GRIA1: variants seen among roughly 807,000 people sequenced by gnomAD.
GRIA1 encodes glutamate receptor 1.
Under a neutral mutation model 99.2 loss-of-function variants are expected in GRIA1, and 31 were observed. The ratio of observed to expected loss-of-function variants is 0.31; its 90% CI spans 0.23 to 0.42. GRIA1 has a LOEUF of 0.42. Ranked by LOEUF, GRIA1 falls within the 10% of genes least tolerant of loss-of-function variation. GRIA1 has a pLI of 1.00. For synonymous variants in GRIA1, 438 were observed against 432.4 expected (o/e 1.01, Z -0.16); for missense variants, 782 against 1,157.5 (o/e 0.68, Z 4.71).
At chr5:153,807,368 T>C (rs781598939) in intron 15 of GRIA1, among the ~76,000 whole-genome samples, 3 of 152,154 alleles carry the variant, frequency 2.0e-5, no homozygotes, top group Non-Finnish European at 4.4e-5. Flanking sequence ...CACTTGCATG[T>C]TCAATGAGTG....
At chr5:153,565,275 A>G (rs1761515086) in intron 2 of GRIA1, among the ~76,000 whole-genome samples, 1 of 152,198 alleles carries the variant, frequency 6.6e-6, no homozygotes, top group Non-Finnish European at 1.5e-5. Flanking sequence ...TATCTGTGAG[A>G]CTTACCTTTG....
chr5:153,712,796 G>C (rs1759410822), intron 11 of GRIA1, among the ~76,000 whole-genome samples: 1 of 152,174 alleles, frequency 6.6e-6, no homozygotes, highest in Non-Finnish European at 1.5e-5. Context: ...CTGGGTCTTG[G>C]GACTAGGCAT....
At chr5:153,664,387 T>C (rs377269548) in intron 5 of GRIA1, among the ~76,000 whole-genome samples, 102 of 152,280 alleles carry the variant, frequency 6.7e-4, no homozygotes, top group African/African-American at 2.4e-3. Context: ...GATTTGAATC[T>C]AGGCTGACAT....
chr5:153,644,128 A>T (rs1228721081), intron 2 of GRIA1, among the ~76,000 whole-genome samples: 1 of 152,232 alleles, frequency 6.6e-6, no homozygotes, highest in Non-Finnish European at 1.5e-5. Flanking sequence ...CCCCATATAC[A>T]CTTCACCCTG....
At chr5:153,531,826 C>T (rs1052889293) in intron 2 of GRIA1, among the ~76,000 whole-genome samples, 7 of 152,144 alleles carry the variant, frequency 4.6e-5, no homozygotes, top group African/African-American at 1.7e-4. Flanking sequence ...ATTTAAGCTT[C>T]CTAAAACAAC....
Position 153,730,389 on chromosome 5 carries a change from G to A in GRIA1, c.1823+24322G>A, listed in dbSNP as rs1307639638. On this transcript the variant is annotated intron_variant, in intron 11 of 15. Transcript: ENST00000285900. ...ATGTTGAGCTAGTGAATAAGTAAAT[G>A]AATAAATATCCTAATAAATAGTATT... Among the ~76,000 whole-genome samples, 3 of 152,028 alleles carry A rather than the reference G, an allele frequency of 2.0e-5. No homozygotes were observed. The East Asian group carries it at 5.8e-4, about 29-fold the overall frequency.
At chr5:153,566,803 G>A (rs1354254767) in intron 2 of GRIA1, among the ~76,000 whole-genome samples, 54 of 133,992 alleles carry the variant, frequency 4.0e-4, no homozygotes, top group Non-Finnish European at 1.2e-4. Flanking sequence ...TGCAACCTCC[G>A]CCTCCTGGGT....
chr5:153,702,708 A>G (rs1758613892), intron 10 of GRIA1, among the ~76,000 whole-genome samples: 1 of 151,828 alleles, frequency 6.6e-6, no homozygotes, highest in Non-Finnish European at 1.5e-5. Context: ...GAATCTAGAA[A>G]CTCTGGCGTG....
chr5:153,689,905 C>T (rs1165673157), intron 8 of GRIA1, among the ~76,000 whole-genome samples: 1 of 152,204 alleles, frequency 6.6e-6, no homozygotes, highest in African/African-American at 2.4e-5. Context: ...CCAGAGGCCC[C>T]AGCCCTTTGA....
chr5:153,503,374 G>A (rs1330794212), intron 2 of GRIA1, among the ~76,000 whole-genome samples: 3 of 152,196 alleles, frequency 2.0e-5, no homozygotes, highest in African/African-American at 7.2e-5. Flanking sequence ...AATATGGGGT[G>A]CTAATACCTG....
intron 2 of GRIA1, among the ~76,000 whole-genome samples, chr5:153,628,808 T>C (rs2149432778): frequency 6.6e-6 from 1 of 152,338 alleles, no homozygotes; most frequent in East Asian, 1.9e-4. Flanking sequence ...TGTTCTAAAG[T>C]CCTACCTTGG....
intron 5 of GRIA1, among the ~76,000 whole-genome samples, chr5:153,659,035 T>C (rs1200975526): frequency 6.6e-6 from 1 of 152,140 alleles, no homozygotes; most frequent in Non-Finnish European, 1.5e-5. Context: ...ATGCCCCTTT[T>C]AGCTGGCTCT....
intron 11 of GRIA1, among the ~76,000 whole-genome samples, chr5:153,747,736 G>A (rs912315239): frequency 7.2e-5 from 11 of 152,152 alleles, no homozygotes; most frequent in South Asian, 2.1e-4. Flanking sequence ...GCCCAGTTAC[G>A]TGACATCTCT....
intron 2 of GRIA1, among the ~76,000 whole-genome samples, chr5:153,529,819 A>T (rs774808883): frequency 2.6e-5 from 4 of 152,150 alleles, no homozygotes; most frequent in Non-Finnish European, 5.9e-5. Flanking sequence ...TGATGTTTGT[A>T]TGAAAAGAGC....
At chr5:153,665,998 C>T (rs1203777085) in intron 5 of GRIA1, among the ~76,000 whole-genome samples, 1 of 152,172 alleles carries the variant, frequency 6.6e-6, no homozygotes, top group African/African-American at 2.4e-5. Flanking sequence ...ACAAACAACT[C>T]ATGAGATTCA....
chr5:153,587,042 T>A (rs926491978), intron 2 of GRIA1, among the ~76,000 whole-genome samples: 83 of 152,270 alleles, frequency 5.5e-4, no homozygotes, highest in Non-Finnish European at 4.3e-4. Context: ...GCATCAAAAT[T>A]TCAGGTGGCT....
At chr5:153,665,555 T>A (rs1239025241) in intron 5 of GRIA1, among the ~76,000 whole-genome samples, 3 of 152,216 alleles carry the variant, frequency 2.0e-5, no homozygotes, top group Non-Finnish European at 4.4e-5. Context: ...AAGACTTTTA[T>A]GCAGAGACAT....
Position 153,599,895 on chromosome 5 carries a change from G to T in GRIA1, c.221-47033G>T. On this transcript the variant is annotated intron_variant, in intron 2 of 15. Coordinates refer to ENST00000285900, the MANE Select transcript of GRIA1 (RefSeq NM_000827.4). The stretch of plus-strand genomic sequence containing the variant: ...GAGGGGAAAAGAAAAATGTGCCTGA[G>T]AAATAGCATAAGTAAAAGTCCTGAG... Among the ~76,000 whole-genome samples the T allele has an allele frequency of 2.0e-5, 3 of 152,262 alleles. No homozygotes were observed. The Middle Eastern group carries it at 0.01, about 518-fold the overall frequency.
chr5:153,791,148 GA>G (rs1765272522), intron 13 of GRIA1, among the ~76,000 whole-genome samples: 1 of 151,388 alleles, frequency 6.6e-6, no homozygotes, highest in Admixed American at 6.6e-5. Flanking sequence ...AAAAAAAGAA[GA>G]AGAAGACCAG....
Sources: allele counts gnomAD v4.1 joint callset (sites outside exome capture counted in the v4.1 genomes callset), GRCh38; gene constraint gnomAD v4.1.1; transcripts MANE v1.5; gene names NCBI Gene and HGNC (gene_info 2026-07-23, HGNC 2026-07-21).